NBEA: variants seen among roughly 807,000 people sequenced by gnomAD.
NBEA encodes neurobeachin, also known as lysosomal-trafficking regulator 2.
A neutral mutation model predicts 343.4 loss-of-function variants in NBEA; 44 were observed. The ratio of observed to expected loss-of-function variants is 0.13; its 90% CI spans 0.10 to 0.16. The LOEUF (loss-of-function observed/expected upper bound fraction) is 0.16, where lower values mean the gene tolerates loss of function less well. NBEA is among the 10% of genes least tolerant of loss of function. NBEA has a pLI of 1.00. For synonymous variants in NBEA, 1,175 were observed against 1,238.7 expected, an observed-to-expected ratio of 0.95 and a Z score of 1.08; for missense variants, 2,555 against 3,631.3, an observed-to-expected ratio of 0.70 and a Z score of 7.62.
At chr13:35,258,544 A>AG (rs1022210191) in intron 34 of NBEA, among the ~76,000 whole-genome samples, 1 of 151,832 alleles carries the variant, frequency 6.6e-6, no homozygotes, top group Non-Finnish European at 1.5e-5. Flanking sequence ...TGGCCATAAA[A>AG]AAAAAACAGT....
intron 55 of NBEA, among the ~76,000 whole-genome samples, chr13:35,662,515 C>T (rs766581453): frequency 3.3e-5 from 5 of 152,142 alleles, no homozygotes; most frequent in Admixed American, 1.3e-4. Context: ...CAAGCTTTCC[C>T]GCCGCTGCAG....
At chr13:35,225,463 C>T (rs1479627642) in intron 33 of NBEA, among the ~76,000 whole-genome samples, 1 of 152,086 alleles carries the variant, frequency 6.6e-6, no homozygotes, top group Non-Finnish European at 1.5e-5. Context: ...CTAGGCAGAA[C>T]TTTGTATCTT....
At position 35,615,143 on chromosome 13, in the gene NBEA, A is replaced by C. The variant is rs9574253; in HGVS notation, c.7449+8565A>C. Among the ~76,000 whole-genome samples the C allele has an allele frequency of 3.7e-4, 51 of 137,092 alleles. 1 individual carries two copies. The highest frequency in any genetic ancestry group is 1.5e-3 in the African/African-American group (48 of 31,522). The allele number at this position is 137,092 out of a possible 152,430, so 89.9% of individuals were successfully genotyped here. ...TACTAAAAATACAAAAAAAAAAAAA[A>C]CAAAAAAAAATTAACAAGGCATGGT... On this transcript the variant is annotated intron_variant, in intron 48 of 58. Coordinates refer to ENST00000379939, the MANE Select transcript of NBEA (RefSeq NM_001385012.1).
At chr13:35,036,543 C>T (rs1593539355) in intron 1 of NBEA, among the ~76,000 whole-genome samples, 1 of 152,110 alleles carries the variant, frequency 6.6e-6, no homozygotes. Context: ...CCTTTTCTTT[C>T]TGATTGAAGT....
chr13:35,546,463 C>CA (rs754913026), intron 41 of NBEA, among the ~76,000 whole-genome samples: 13,061 of 104,750 alleles, frequency 0.12, 869 homozygotes, highest in African/African-American at 0.24. Flanking sequence ...GACTCCATCT[C>CA]AAAAAAAAAA....
In NBEA at chr13:34,968,830, CT is replaced by C. The variant is rs557555933; in HGVS notation, c.294+25723del. 1.9e-3 allele frequency among the ~76,000 whole-genome samples: 289 copies of C among 151,938 alleles called. 2 individuals are homozygous for C. The highest frequency in any genetic ancestry group is 6.4e-3 in the African/African-American group (266 of 41,448). ...AGGTGCTATGAGAGTGAGTAAGGAA[CT>C]TTTTTTAAACACATATGCTGTGATT... is the stretch of plus-strand genomic sequence containing the variant. On this transcript the variant is annotated intron_variant, in intron 1 of 58. Coordinates refer to ENST00000379939, the MANE Select transcript of NBEA (RefSeq NM_001385012.1).
intron 31 of NBEA, among the ~76,000 whole-genome samples, chr13:35,201,390 A>G (rs1407590725): frequency 6.6e-6 from 1 of 152,104 alleles, no homozygotes; most frequent in Non-Finnish European, 1.5e-5. Context: ...TTACAAAATA[A>G]GGAAGCATGA....
At chr13:35,460,201 A>T (rs530966563) in intron 40 of NBEA, among the ~76,000 whole-genome samples, 61 of 152,278 alleles carry the variant, frequency 4.0e-4, no homozygotes, top group African/African-American at 1.4e-3. Context: ...ACCCATGTGT[A>T]TTTTAAGGGA....
chr13:35,290,177 C>A (rs2035712651), intron 34 of NBEA, among the ~76,000 whole-genome samples: 1 of 151,730 alleles, frequency 6.6e-6, no homozygotes, highest in Non-Finnish European at 1.5e-5. Flanking sequence ...CAGCCAATAT[C>A]ATACTGAATG....
intron 49 of NBEA, among the ~76,000 whole-genome samples, chr13:35,634,621 C>T (rs2083617658): frequency 6.6e-6 from 1 of 152,124 alleles, no homozygotes; most frequent in Non-Finnish European, 1.5e-5. Context: ...ATAAGTCTAT[C>T]ATAAAAGGCT....
At chr13:35,538,584 C>A (rs1485331893) in intron 41 of NBEA, among the ~76,000 whole-genome samples, 1 of 152,184 alleles carries the variant, frequency 6.6e-6, no homozygotes, top group Non-Finnish European at 1.5e-5. Flanking sequence ...TGTTAAACAG[C>A]AGCAACAACA....
At chr13:35,544,786 G>A (rs2078992823) in intron 41 of NBEA, among the ~76,000 whole-genome samples, 2 of 152,252 alleles carry the variant, frequency 1.3e-5, no homozygotes, top group South Asian at 4.1e-4. Context: ...AAATCACAAA[G>A]TTCCATAAGA....
chr13:35,602,794 T>C (rs767248281), intron 47 of NBEA, among the ~76,000 whole-genome samples: 1 of 152,294 alleles, frequency 6.6e-6, no homozygotes, highest in Non-Finnish European at 1.5e-5. Flanking sequence ...TAGGGCCTCC[T>C]TGAATGATCC....
intron 41 of NBEA, among the ~76,000 whole-genome samples, chr13:35,535,425 G>A (rs942061246): frequency 4.6e-5 from 7 of 152,166 alleles, no homozygotes; most frequent in African/African-American, 1.2e-4. Flanking sequence ...AGAGCTGATT[G>A]GAGCAATGTG....
At chr13:35,102,651 C>G (rs551181369) in intron 11 of NBEA, among the ~76,000 whole-genome samples, 1 of 151,800 alleles carries the variant, frequency 6.6e-6, no homozygotes, top group South Asian at 2.1e-4. Context: ...TACACTTGAT[C>G]TTACCCAAAA....
intron 10 of NBEA, among the ~76,000 whole-genome samples, chr13:35,091,307 G>C (rs7987033): frequency 0.016 from 2,419 of 152,034 alleles, 56 homozygotes; most frequent in African/African-American, 0.056. Flanking sequence ...GAACTGAAAA[G>C]AAGAGCCTCA....
At position 35,102,042 on chromosome 13, in the gene NBEA, A is replaced by G. The variant is rs2065671048; in HGVS notation, c.1680+3637A>G. Among the ~76,000 whole-genome samples, 3 of 151,702 alleles carry G rather than the reference A, an allele frequency of 2.0e-5. No homozygotes were observed. In the South Asian group the frequency reaches 6.2e-4, roughly 31 times the overall value. On this transcript the variant is annotated intron_variant, in intron 11 of 58. Transcript: ENST00000379939. ...TCTTTCATATTTAGATCTATAATCT[A>G]TCTGGAATTGAATTTTGTATATGGT...
At chr13:35,611,466 A>C (rs2082519251) in intron 48 of NBEA, among the ~76,000 whole-genome samples, 1 of 152,194 alleles carries the variant, frequency 6.6e-6, no homozygotes, top group Non-Finnish European at 1.5e-5. Context: ...ATATATCATA[A>C]AATTCACTTG....
intron 1 of NBEA, among the ~76,000 whole-genome samples, chr13:34,965,162 G>A (rs2059780889): frequency 6.6e-6 from 1 of 152,030 alleles, no homozygotes; most frequent in Admixed American, 6.6e-5. Flanking sequence ...TTTCTAGGTA[G>A]TTGATGGGAG....
Sources: gnomAD v4.1 joint callset for allele counts (sites outside exome capture counted in the v4.1 genomes callset) on GRCh38, gnomAD v4.1.1 for gene constraint, MANE v1.5 for transcripts, NCBI Gene and HGNC (gene_info 2026-07-23, HGNC 2026-07-21) for gene names.